The following SCN2A variants were observed in gnomAD, a reference collection of about 807,000 sequenced individuals.
SCN2A encodes sodium channel protein type 2 subunit alpha.
In SCN2A, 20 loss-of-function variants were observed where a neutral mutation model predicts 188.7. The ratio of observed to expected loss-of-function variants is 0.11; its 90% confidence interval spans 0.07 to 0.15. The LOEUF is 0.15. SCN2A is among the 10% of genes least tolerant of loss of function. The pLI is 1.00. For missense variants in SCN2A, 1,278 were observed against 2,445.0 expected (o/e 0.52, Z 10.07); for synonymous variants, 804 against 833.1 (o/e 0.97, Z 0.60).
chr2:165,301,729 T>C (rs1202892236), intron 3 of SCN2A, among the ~76,000 whole-genome samples: 1 of 152,184 alleles, frequency 6.6e-6, no homozygotes, highest in Non-Finnish European at 1.5e-5. Context: ...GAAACTCTCA[T>C]ATTCCTTAAG....
intron 16 of SCN2A, among the ~76,000 whole-genome samples, chr2:165,351,996 G>T (rs1349745374): frequency 6.6e-6 from 1 of 151,846 alleles, no homozygotes; most frequent in Non-Finnish European, 1.5e-5. Context: ...TTTGTAAATA[G>T]AGTATTTGTC....
chr2:165,300,412 C>T lies in SCN2A; in HGVS notation c.386+3277C>T, dbSNP rs374805131. Reference sequence around the variant, plus strand: ...GAAGAAGAAAGACAATAAACAAATACGTCGATTGGGAGCTAGTGATAAGTG... The same window carrying T: ...GAAGAAGAAAGACAATAAACAAATATGTCGATTGGGAGCTAGTGATAAGTG... On this transcript the variant is annotated intron_variant, in intron 3 of 26. Coordinates refer to ENST00000375437, the MANE Select transcript of SCN2A (RefSeq NM_001040142.2). Among the ~76,000 whole-genome samples, 20 of 152,150 alleles carry T rather than the reference C, an allele frequency of 1.3e-4. No individual in the cohort carries two copies. In the South Asian group the frequency reaches 2.1e-3, roughly 16 times the overall value.
At chr2:165,300,863 C>T (rs1171898343) in intron 3 of SCN2A, among the ~76,000 whole-genome samples, 1 of 152,146 alleles carries the variant, frequency 6.6e-6, no homozygotes, top group African/African-American at 2.4e-5. Flanking sequence ...TAAAAGATCA[C>T]TCTGGCTGCT....
At chr2:165,349,813 A>G (rs994691082) in intron 16 of SCN2A, among the ~76,000 whole-genome samples, 4 of 152,218 alleles carry the variant, frequency 2.6e-5, no homozygotes, top group Non-Finnish European at 5.9e-5. Context: ...ATGTGCTTAT[A>G]TAACATTTGC....
chr2:165,311,520 A>G (rs1306332620), intron 7 of SCN2A, among the ~76,000 whole-genome samples: 1 of 152,176 alleles, frequency 6.6e-6, no homozygotes, highest in Non-Finnish European at 1.5e-5. Context: ...TATTTACAGT[A>G]TCATAAGAGG....
chr2:165,374,536 G>C (rs1374293688), intron 21 of SCN2A, 149 bp from the exon 22 acceptor site: 2 of 749,834 alleles, frequency 2.7e-6, no homozygotes, highest in Non-Finnish European at 4.3e-6. Context: ...AAAATTCTTA[G>C]TTGGAGCTAC....
At chr2:165,388,154 G>A (rs1484080442) in intron 26 of SCN2A, among the ~76,000 whole-genome samples, 1 of 152,066 alleles carries the variant, frequency 6.6e-6, no homozygotes, top group African/African-American at 2.4e-5. Flanking sequence ...TCAGTCCCAA[G>A]TACATCTGTC....
intron 20 of SCN2A, 50 bp from the exon 21 acceptor site, chr2:165,373,175 T>G (rs748300003): frequency 6.3e-7 from 1 of 1,596,500 alleles, no homozygotes. Flanking sequence ...CTGAACTGTG[T>G]AGACATTTTT....
In SCN2A at chr2:165,326,868, C is replaced by T. The variant is rs1446046264; in HGVS notation, c.2033C>T (p.Thr678Ile). Residue 678 changes from threonine (T) to isoleucine (I), a missense_variant, in exon 13 of 27, where the codon ACA (threonine) becomes ATA (isoleucine). This residue lies in a region of SCN2A where 315 missense variants were observed against 386.6 expected (regional missense o/e 0.81). Coordinates refer to ENST00000375437, the MANE Select transcript of SCN2A (RefSeq NM_001040142.2). ...TACTTCTAGGGCACAACTACTGAAA[C>T]AGAAATAAGAAAGAGACGGTCCAGT... is the stretch of plus-strand genomic sequence containing the variant. ...QLLPEGTTTE[T>I]EIRKRRSSSY... 2.5e-6 allele frequency: 4 copies of T among 1,613,810 alleles called. No homozygotes were observed. Among genetic ancestry groups the T allele is most frequent in the Non-Finnish European group, 3.4e-6 (4 of 1,179,866 alleles).
chr2:165,328,986 CTTT>C (rs1269103949), intron 13 of SCN2A, among the ~76,000 whole-genome samples: 6 of 89,388 alleles, frequency 6.7e-5, no homozygotes, highest in South Asian at 4.1e-4. Context: ...TAAGATAGTC[CTTT>C]TTTTTTTTTT....
intron 13 of SCN2A, 91 bp downstream of exon 13, chr2:165,327,075 G>C: frequency 6.9e-7 from 1 of 1,443,062 alleles, no homozygotes; most frequent in Middle Eastern, 1.8e-4. Flanking sequence ...TTCCTGACTT[G>C]ATATTGTATC....
chr2:165,249,564 T>C (rs1481473626), intron 1 of SCN2A, among the ~76,000 whole-genome samples: 1 of 152,060 alleles, frequency 6.6e-6, no homozygotes. Context: ...ACAATGAATG[T>C]TATTTATTTT....
chr2:165,331,270 C>T (rs1698658292), intron 13 of SCN2A, 60 bp from the exon 14 acceptor site: 1 of 1,287,622 alleles, frequency 7.8e-7, no homozygotes, highest in South Asian at 1.2e-5. Context: ...TAATTTAAAC[C>T]AAATCTGCTT....
At chr2:165,276,130 C>T (rs76904953) in intron 1 of SCN2A, among the ~76,000 whole-genome samples, 3,518 of 152,252 alleles carry the variant, frequency 0.023, 136 homozygotes, top group African/African-American at 0.08. Flanking sequence ...TTTTGTCTGG[C>T]TCTAAAATTA....
At chr2:165,246,336 A>G (rs184969313) in intron 1 of SCN2A, among the ~76,000 whole-genome samples, 85 of 152,220 alleles carry the variant, frequency 5.6e-4, no homozygotes, top group Middle Eastern at 6.8e-3. Context: ...AAAGTAGTTA[A>G]ATTATTTTCC....
rs887992644 is a variant in SCN2A at position 165,249,566 on chromosome 2, A to G, written c.-52+9926A>G. ...TAGTGAATAAGGGACAATGAATGTT[A>G]TTTATTTTCCTGCTCAATTCAGTTG... On this transcript the variant is annotated intron_variant, in intron 1 of 26. Transcript: ENST00000375437. 2.0e-5 allele frequency among the ~76,000 whole-genome samples: 3 copies of G among 152,148 alleles called. No homozygotes were observed. The East Asian group carries it at 5.8e-4, about 29-fold the overall frequency.
intron 1 of SCN2A, among the ~76,000 whole-genome samples, chr2:165,261,693 C>G (rs1203190048): frequency 6.6e-6 from 1 of 152,104 alleles, no homozygotes; most frequent in East Asian, 1.9e-4. Context: ...TGCTGTGATT[C>G]CATTACCTCC....
Position 165,291,514 on chromosome 2 carries a change from C to CTTT in SCN2A, c.-51-4259_-51-4258insTTT, listed in dbSNP as rs1559340491. 7.1e-4 allele frequency among the ~76,000 whole-genome samples: 30 copies of CTTT among 42,140 alleles called. 1 individual carries two copies. Among genetic ancestry groups the CTTT allele is most frequent in the East Asian group, 2.6e-3 (3 of 1,150 alleles). 27.6% of individuals were successfully genotyped at this position (42,140 alleles called of 152,430 possible). A position where few individuals can be genotyped will look rare whatever the true frequency, so the allele number is the denominator to read the frequency against. On this transcript the variant is annotated intron_variant, in intron 1 of 26. Coordinates refer to ENST00000375437, the MANE Select transcript of SCN2A (RefSeq NM_001040142.2). ...TCTTTTCTTTCTTTCTTTCTTTCTTCCTCTCCTTTCTTTCCTTCCTTCCTT... is the reference window on the plus strand; with the variant it reads ...TCTTTTCTTTCTTTCTTTCTTTCTTCTTTCTCTCCTTTCTTTCCTTCCTTCCTT...
rs769825203 is a variant in SCN2A at position 165,315,472 on chromosome 2, C to A, written c.1385C>A (p.Ala462Glu). Residue 462 changes from alanine to glutamate, a missense_variant and splice_region_variant, in exon 11 of 27, where the codon GCG (alanine) becomes GAG (glutamate). This residue lies in a region of SCN2A where 315 missense variants were observed against 386.6 expected (regional missense o/e 0.81). Transcript: ENST00000375437. ...TCCACATACTTTGCGCCCTTCTAGG[C>A]GGCAGCTGCAGCCGCATCTGCTGAA... ...QLKKQQEEAQ[A>E]AAAAASAESR... The A allele has an allele frequency of 6.2e-7, 1 of 1,613,756 alleles. No homozygotes were observed.
Sources: allele counts gnomAD v4.1 joint callset (sites outside exome capture counted in the v4.1 genomes callset), GRCh38; gene constraint gnomAD v4.1.1; regional missense constraint gnomAD v4.1.1; transcripts MANE v1.5; gene names NCBI Gene and HGNC (gene_info 2026-07-23, HGNC 2026-07-21).